PSME4: variants seen among roughly 807,000 people sequenced by gnomAD.
PSME4 encodes proteasome activator subunit 4, also known as proteasome activator complex subunit 4.
Under a neutral mutation model 253.9 loss-of-function variants are expected in PSME4, and 89 were observed. The observed-to-expected ratio is 0.35, with a 90% CI of 0.30 to 0.42. The LOEUF is 0.42. Ranked by LOEUF, PSME4 falls within the 10% of genes least tolerant of loss-of-function variation. PSME4 has a pLI of 1.00. For synonymous variants in PSME4, 851 were observed against 759.2 expected (o/e 1.12, Z -1.99); for missense variants, 2,014 against 2,195.2 (o/e 0.92, Z 1.65).
chr2:53,923,589 T>C (rs1668421574), intron 14 of PSME4, among the ~76,000 whole-genome samples, 170 bp from the exon 15 acceptor site: 1 of 152,216 alleles, frequency 6.6e-6, no homozygotes, highest in Non-Finnish European at 1.5e-5. Flanking sequence ...CATTCAGGTC[T>C]AAGAACAATC....
chr2:53,937,503 C>T lies in PSME4; in HGVS notation c.583G>A (p.Glu195Lys). The change falls in exon 5 of 47, where the codon GAA becomes AAA. Residue 195 changes from glutamate to lysine, a missense_variant. Physicochemically the swap from Glu to Lys is moderately conservative, Grantham distance 56. Transcript: ENST00000404125. ...PADATAEMLEEWRPLMCPFDV... is the reference protein window; with the variant it reads ...PADATAEMLEKWRPLMCPFDV... ...AAAGGGCACATTAAAGGTCGCCATT[C>T]TTCTAGCATCTCAGCGGTGGCATCT... 1 of 1,611,732 alleles carries T rather than the reference C, an allele frequency of 6.2e-7. No homozygotes were observed. The highest frequency in any genetic ancestry group is 8.5e-7 in the Non-Finnish European group (1 of 1,179,276).
intron 42 of PSME4, among the ~76,000 whole-genome samples, chr2:53,874,897 T>TG (rs1679052354): frequency 6.6e-6 from 1 of 152,144 alleles, no homozygotes; most frequent in South Asian, 2.1e-4. Context: ...GTGAGCAGAA[T>TG]GGGGCCACTG....
chr2:53,882,103 T>C (rs1438666238), intron 41 of PSME4, among the ~76,000 whole-genome samples: 1 of 152,012 alleles, frequency 6.6e-6, no homozygotes, highest in Admixed American at 6.6e-5. Context: ...ATAGGATAAA[T>C]AAGATTTTTA....
At chr2:53,891,045 A>G (rs1679883095) in intron 36 of PSME4, among the ~76,000 whole-genome samples, 1 of 152,132 alleles carries the variant, frequency 6.6e-6, no homozygotes, top group African/African-American at 2.4e-5. Flanking sequence ...AAACAAAACA[A>G]ATCTCTCATA....
intron 41 of PSME4, among the ~76,000 whole-genome samples, chr2:53,882,233 A>G (rs1679420507): frequency 6.6e-6 from 1 of 152,222 alleles, no homozygotes; most frequent in South Asian, 2.1e-4. Flanking sequence ...AAAGATATGT[A>G]TAAGATGTTC....
At chr2:53,920,484 T>A (rs1668262217) in intron 18 of PSME4, 134 bp from the exon 19 acceptor site, 1 of 891,044 alleles carries the variant, frequency 1.1e-6, no homozygotes, top group Non-Finnish European at 1.6e-6. Context: ...GCAAATGATA[T>A]ACAAAAAAGT....
chr2:53,913,619 CAGTT>C (rs1453101985), intron 20 of PSME4, among the ~76,000 whole-genome samples: 8 of 152,118 alleles, frequency 5.3e-5, no homozygotes, highest in East Asian at 1.9e-4. Flanking sequence ...TCACAAGAGA[CAGTT>C]AGGCCTATTT....
chr2:53,890,180 G>A lies in PSME4; in HGVS notation c.4220C>T (p.Pro1407Leu). 1 of 1,613,610 alleles carries A rather than the reference G, an allele frequency of 6.2e-7. No individual in the cohort carries two copies. Among genetic ancestry groups the A allele is most frequent in the Non-Finnish European group, 8.5e-7 (1 of 1,179,774 alleles). Residue 1407 changes from proline (P) to leucine (L), a missense_variant, in exon 37 of 47, where the codon CCT (proline) becomes CTT (leucine). Physicochemically the swap from Pro to Leu is moderately conservative, Grantham distance 98 (BLOSUM62 -3). Coordinates refer to ENST00000404125, the MANE Select transcript of PSME4 (RefSeq NM_014614.3). ...ATTGGACAGTGCTGTTCTAAGCAGA[G>A]GGCACAGAAGCTCCCAAAGCTTCTC... ...KVEKLWELLCPLLRTALSNIT... is the reference protein window; with the variant it reads ...KVEKLWELLCLLLRTALSNIT...
chr2:53,884,524 T>C (rs1214819508), intron 41 of PSME4, among the ~76,000 whole-genome samples: 1 of 152,220 alleles, frequency 6.6e-6, no homozygotes, highest in East Asian at 1.9e-4. Flanking sequence ...CGTACAGGTT[T>C]CTAATGATAT....
Position 53,936,809 on chromosome 2 carries a change from T to C in PSME4, c.714A>G (p.Leu238=). 1 of 1,598,120 alleles carries C rather than the reference T, an allele frequency of 6.3e-7. No homozygotes were observed. The highest frequency in any genetic ancestry group is 8.5e-7 in the Non-Finnish European group (1 of 1,172,728). The change falls in exon 6 of 47, where the codon TTA becomes TTG. Residue 238 remains leucine, a synonymous_variant. Coordinates refer to ENST00000404125, the MANE Select transcript of PSME4 (RefSeq NM_014614.3). ...TTTGCACTGAAACCCAAAGGCCAAT[T>C]AATTCATCAAACCAAAGTCTAAAGA... ...HKGFKLWFDE[L]IGLWVSVQNL...
intron 1 of PSME4, among the ~76,000 whole-genome samples, chr2:53,955,041 C>A (rs1008477134): frequency 1.3e-5 from 2 of 149,240 alleles, no homozygotes; most frequent in African/African-American, 4.9e-5. Flanking sequence ...TGTGATGGCA[C>A]GTGCCTGTAG....
intron 20 of PSME4, among the ~76,000 whole-genome samples, chr2:53,912,740 A>G (rs1667880981): frequency 6.6e-6 from 1 of 152,206 alleles, no homozygotes; most frequent in South Asian, 2.1e-4. Flanking sequence ...CACTGGGATT[A>G]CAGGCATGAG....
chr2:53,914,250 G>A (rs1558678163), intron 20 of PSME4, among the ~76,000 whole-genome samples: 1 of 152,080 alleles, frequency 6.6e-6, no homozygotes, highest in Non-Finnish European at 1.5e-5. Flanking sequence ...TTAGAGAATG[G>A]ACTGCAAAAG....
intron 1 of PSME4, among the ~76,000 whole-genome samples, chr2:53,957,636 A>G (rs1670294873): frequency 6.6e-6 from 1 of 152,172 alleles, no homozygotes; most frequent in African/African-American, 2.4e-5. Context: ...GCAGATTAAC[A>G]GTACGTGGCC....
intron 32 of PSME4, among the ~76,000 whole-genome samples, chr2:53,896,334 C>A (rs747595411): frequency 6.6e-6 from 1 of 152,092 alleles, no homozygotes; most frequent in Non-Finnish European, 1.5e-5. Flanking sequence ...ATAATCCAAT[C>A]CAGGATTAAA....
At position 53,897,852 on chromosome 2, in the gene PSME4, C is replaced by G; in HGVS notation, c.3606+18G>C. 1 of 1,611,448 alleles carries G rather than the reference C, an allele frequency of 6.2e-7. No individual in the cohort carries two copies. Among genetic ancestry groups the G allele is most frequent in the Non-Finnish European group, 8.5e-7 (1 of 1,177,748 alleles). On this transcript the variant is annotated intron_variant, in intron 31 of 46. Coordinates refer to ENST00000404125, the MANE Select transcript of PSME4 (RefSeq NM_014614.3). ...CATATTCTCAAACCCAAGACTGTAG[C>G]TAAAACAAGGTATGTACCTTTCGAA...
At chr2:53,879,251 C>T (rs1174796701) in intron 41 of PSME4, among the ~76,000 whole-genome samples, 1 of 151,946 alleles carries the variant, frequency 6.6e-6, no homozygotes, top group Non-Finnish European at 1.5e-5. Context: ...ATTTCAAAAG[C>T]ACAACATTGG....
chr2:53,955,329 A>G (rs1243702498), intron 1 of PSME4, among the ~76,000 whole-genome samples: 1 of 152,184 alleles, frequency 6.6e-6, no homozygotes, highest in African/African-American at 2.4e-5. Flanking sequence ...ATTGTTTTGA[A>G]TGTGGCCCAA....
intron 1 of PSME4, among the ~76,000 whole-genome samples, chr2:53,956,675 C>T (rs925553543): frequency 1.1e-4 from 17 of 151,792 alleles, no homozygotes; most frequent in East Asian, 2.0e-4. Context: ...CAAGTTTAAG[C>T]GATTCTCCTG....
Sources: allele counts gnomAD v4.1 joint callset (sites outside exome capture counted in the v4.1 genomes callset), GRCh38; gene constraint gnomAD v4.1.1; transcripts MANE v1.5; gene names NCBI Gene and HGNC (gene_info 2026-07-23, HGNC 2026-07-21).